The following ZNF737 variants were observed in gnomAD, a reference collection of about 807,000 sequenced individuals.
ZNF737 encodes zinc finger protein 102 (Y3).
A neutral mutation model predicts 11.7 loss-of-function variants in ZNF737; 13 were observed. That is an observed-to-expected ratio of 1.11 (90% CI 0.73 to 1.77). ZNF737 has a LOEUF of 1.77. Ranked by LOEUF, ZNF737 falls within the 40% of genes most tolerant of loss-of-function variation. ZNF737 has a pLI of 0.00. For synonymous variants in ZNF737, 217 were observed against 216.2 expected (o/e 1.00, Z -0.03); for missense variants, 636 against 638.0 (o/e 1.00, Z 0.03).
Position 20,565,769 on chromosome 19 carries a change from C to A in ZNF737, c.-129G>T, listed in dbSNP as rs1341431307. 2.0e-6 allele frequency: 3 copies of A among 1,483,194 alleles called. No homozygotes were observed. The African/African-American group carries it at 4.2e-5, about 21-fold the overall frequency. 91.9% of individuals were successfully genotyped at this position (1,483,194 alleles called of 1,614,324 possible). A position where few individuals can be genotyped will look rare whatever the true frequency, so the allele number is the denominator to read the frequency against. ...GCAGTGAAGACAAGACCTGGAGCTC[C>A]GGCTGCAGAGACAAAGGCCCCGCAA... On this transcript the variant is annotated 5_prime_UTR_variant, in exon 1 of 4. Coordinates refer to ENST00000427401, the MANE Select transcript of ZNF737 (RefSeq NM_001159293.2).
intron 1 of ZNF737, among the ~76,000 whole-genome samples, chr19:20,557,497 A>AAG: frequency 1.3e-5 from 2 of 152,070 alleles, no homozygotes; most frequent in East Asian, 3.9e-4. Context: ...AAAAAAAAAA[A>AAG]AAAAGAAAAC....
chr19:20,545,641 G>A lies in ZNF737; in HGVS notation c.562C>T (p.Leu188Phe). ...CGKAFNQSST[L>F]TTHKKIHTGE... ...GTATGAATTTTCTTATGTGTAGTAA[G>A]GGTTGAAGACTGGTTAAAAGCTTTG... is the stretch of plus-strand genomic sequence containing the variant. The change falls in exon 4 of 4, where the codon CTT (leucine) becomes TTT (phenylalanine). Residue 188 changes from leucine to phenylalanine, a missense_variant. By Grantham distance (22) the Leu-to-Phe change is conservative. Transcript: ENST00000427401. The A allele has an allele frequency of 6.2e-7, 1 of 1,613,996 alleles. No individual in the cohort carries two copies. The highest frequency in any genetic ancestry group is 8.5e-7 in the Non-Finnish European group (1 of 1,179,956).
downstream of ZNF737, chr19:20,535,876 C>A: frequency 4.5e-5 from 7 of 156,624 alleles, no homozygotes; most frequent in Non-Finnish European, 8.1e-5. Flanking sequence ...AAAAATTAAA[C>A]TCATAGAAGC....
At chr19:20,557,582 G>A (rs1351235117) in intron 1 of ZNF737, among the ~76,000 whole-genome samples, 3 of 149,328 alleles carry the variant, frequency 2.0e-5, no homozygotes, top group Non-Finnish European at 3.0e-5. Context: ...ATTCTAATAC[G>A]CAATTTAAAC....
In ZNF737 at chr19:20,542,444, C is replaced by T. The variant is rs949611648; in HGVS notation, c.*2148G>A. On this transcript the variant is annotated 3_prime_UTR_variant, in exon 4 of 4. Coordinates refer to ENST00000427401, the MANE Select transcript of ZNF737 (RefSeq NM_001159293.2). ...ACTGGGTTTCTCCATGTTGGTCAGG[C>T]TGGTCTCGAACTCCTGACCTCAGGT... 1.9e-6 allele frequency: 1 copy of T among 530,064 alleles called. No individual in the cohort carries two copies. The highest frequency in any genetic ancestry group is 2.1e-5 in the African/African-American group (1 of 48,258). 32.8% of individuals were successfully genotyped at this position (530,064 alleles called of 1,614,324 possible).
At position 20,539,546 on chromosome 19, in the gene ZNF737, C is replaced by G; in HGVS notation, c.*5046G>C. On this transcript the variant is annotated 3_prime_UTR_variant, in exon 4 of 4. Transcript: ENST00000427401. ...ATTTCAAATGTTTTCTCTAATGTTA[C>G]CTTGGTCATGTGAATCTAAAAGAAA... 1.0e-6 allele frequency: 1 copy of G among 984,382 alleles called. No individual in the cohort carries two copies. Among genetic ancestry groups the G allele is most frequent in the Non-Finnish European group, 1.2e-6 (1 of 829,042 alleles). 61.0% of individuals were successfully genotyped at this position (984,382 alleles called of 1,614,324 possible). A position where few individuals can be genotyped will look rare whatever the true frequency, so the allele number is the denominator to read the frequency against.
At chr19:20,565,060 G>A (rs1237755111) in intron 1 of ZNF737, among the ~76,000 whole-genome samples, 1 of 150,624 alleles carries the variant, frequency 6.6e-6, no homozygotes, top group African/African-American at 2.4e-5. Context: ...TCTGCCTCCC[G>A]AGAAGCTGTG....
At chr19:20,547,859 A>G (rs1555757401) in intron 3 of ZNF737, among the ~76,000 whole-genome samples, 1 of 152,116 alleles carries the variant, frequency 6.6e-6, no homozygotes, top group African/African-American at 2.4e-5. Context: ...TATCCAAAAT[A>G]TGTAACACAG....
rs540717721 is a variant in ZNF737, at chr19:20,539,373, C to T, written c.*5219G>A. ...AAATACTCCCTTTGAATACTTTAGCCAGGATTTCAGATTTCAAAAGGTCAA... is the reference window on the plus strand; with the variant it reads ...AAATACTCCCTTTGAATACTTTAGCTAGGATTTCAGATTTCAAAAGGTCAA... On this transcript the variant is annotated 3_prime_UTR_variant, in exon 4 of 4. Transcript: ENST00000427401. 1.1e-5 allele frequency: 11 copies of T among 985,260 alleles called. No individual in the cohort carries two copies. In the East Asian group the frequency reaches 9.1e-4, roughly 81 times the overall value. The allele number at this position is 985,260 out of a possible 1,614,324, so 61.0% of individuals were successfully genotyped here. A position where few individuals can be genotyped will look rare whatever the true frequency, so the allele number is the denominator to read the frequency against.
chr19:20,563,869 T>C (rs1457521419), intron 1 of ZNF737, among the ~76,000 whole-genome samples: 1 of 152,178 alleles, frequency 6.6e-6, no homozygotes, highest in Non-Finnish European at 1.5e-5. Context: ...TTATTATTTA[T>C]CTTAAAAATA....
At position 20,544,934 on chromosome 19, in the gene ZNF737, T is replaced by G. The variant is rs369269224; in HGVS notation, c.1269A>C (p.Gln423His). 5.5e-4 allele frequency: 895 copies of G among 1,612,714 alleles called. 2 individuals carry two copies. The highest frequency in any genetic ancestry group is 7.2e-4 in the Non-Finnish European group (850 of 1,179,554). Reference protein sequence around the residue: ...TTHKIIHTGQQPFKCEECGKA... With the variant: ...TTHKIIHTGQHPFKCEECGKA... ...TGCCACATTCTTCACACTTGAAGGGTTGCTGTCCAGTATGGATTATCTTAT... is the reference window on the plus strand; with the variant it reads ...TGCCACATTCTTCACACTTGAAGGGGTGCTGTCCAGTATGGATTATCTTAT... The change falls in exon 4 of 4, where the codon CAA (glutamine) becomes CAC (histidine). Residue 423 changes from glutamine to histidine, a missense_variant. By Grantham distance (24) the Gln-to-His change is conservative (BLOSUM62 0). Coordinates refer to ENST00000427401, the MANE Select transcript of ZNF737 (RefSeq NM_001159293.2).
At chr19:20,550,109 C>A (rs1968611520) in intron 3 of ZNF737, among the ~76,000 whole-genome samples, 1 of 152,010 alleles carries the variant, frequency 6.6e-6, no homozygotes, top group South Asian at 2.1e-4. Flanking sequence ...TTAAAAGAAA[C>A]TAGTTCCTTT....
At chr19:20,548,964 A>AAAAAAAAC (rs1296537258) in intron 3 of ZNF737, among the ~76,000 whole-genome samples, 3 of 109,946 alleles carry the variant, frequency 2.7e-5, no homozygotes, top group Non-Finnish European at 5.6e-5. Context: ...GAAAAACTGA[A>AAAAAAAAC]AAAAAAAAAA....
downstream of ZNF737, among the ~76,000 whole-genome samples, chr19:20,532,933 C>T (rs1967864707): frequency 6.7e-6 from 1 of 150,040 alleles, no homozygotes; most frequent in Admixed American, 6.6e-5. Context: ...AAATACCTGA[C>T]TTCTGCCTCA....
Position 20,538,885 on chromosome 19 carries a change from CAA to C in ZNF737, c.*5705_*5706del, listed in dbSNP as rs375826390. On this transcript the variant is annotated 3_prime_UTR_variant, in exon 4 of 4. Transcript: ENST00000427401. ...TTTATACATTTGCTTTTTTGAAAAA[CAA>C]ATCTTTTGTTAATTCACTCTAAATT... The C allele has an allele frequency of 1.1e-3, 1,074 of 985,286 alleles. 5 individuals are homozygous for C. In the African/African-American group the frequency reaches 0.018, roughly 16 times the overall value. The allele number at this position is 985,286 out of a possible 1,614,324, so 61.0% of individuals were successfully genotyped here. A position where few individuals can be genotyped will look rare whatever the true frequency, so the allele number is the denominator to read the frequency against.
intron 2 of ZNF737, among the ~76,000 whole-genome samples, chr19:20,553,419 C>T (rs112700274): frequency 0.12 from 18,101 of 151,834 alleles, 1,192 homozygotes; most frequent in Middle Eastern, 0.17. Context: ...CCACCATGCC[C>T]GGCTAATTTC....
At position 20,542,173 on chromosome 19, in the gene ZNF737, C is replaced by T. The variant is rs1418437560; in HGVS notation, c.*2419G>A. 4.1e-6 allele frequency: 4 copies of T among 984,774 alleles called. No individual in the cohort carries two copies. The highest frequency in any genetic ancestry group is 4.8e-6 in the Non-Finnish European group (4 of 829,508). The allele number at this position is 984,774 out of a possible 1,614,324, so 61.0% of individuals were successfully genotyped here. A position where few individuals can be genotyped will look rare whatever the true frequency, so the allele number is the denominator to read the frequency against. On this transcript the variant is annotated 3_prime_UTR_variant, in exon 4 of 4. Transcript: ENST00000427401. ...TGGCACAATAATGGTTCATTAAACG[C>T]ACGGTAGTCTTACCATGGTAAAAAT...
chr19:20,556,095 A>G (rs1017455265), intron 1 of ZNF737, among the ~76,000 whole-genome samples: 2 of 152,152 alleles, frequency 1.3e-5, no homozygotes, highest in Non-Finnish European at 2.9e-5. Flanking sequence ...GCCCTCCCCT[A>G]CCACAGACAC....
chr19:20,553,771 G>C lies in ZNF737; in HGVS notation c.68C>G (p.Thr23Ser), dbSNP rs1387497186. 1.5e-5 allele frequency: 25 copies of C among 1,613,884 alleles called. No individual in the cohort carries two copies. Among genetic ancestry groups the C allele is most frequent in the Non-Finnish European group, 2.1e-5 (25 of 1,179,956 alleles). ...FSLEEWHCLDTAQRNLYRNVM... is the reference protein window; with the variant it reads ...FSLEEWHCLDSAQRNLYRNVM... ...ATTCCTATATAAATTCCGCTGTGCA[G>C]TGTCCAGGCAATGCCACTCCTCCAG... is the stretch of plus-strand genomic sequence containing the variant. Residue 23 changes from threonine to serine, a missense_variant, in exon 2 of 4, where the codon ACT becomes AGT. Thr to Ser is a moderately conservative substitution (Grantham distance 58). Coordinates refer to ENST00000427401, the MANE Select transcript of ZNF737 (RefSeq NM_001159293.2).
Sources: gnomAD v4.1 joint callset for allele counts (sites outside exome capture counted in the v4.1 genomes callset) on GRCh38, gnomAD v4.1.1 for gene constraint, MANE v1.5 for transcripts, NCBI Gene and HGNC (gene_info 2026-07-23, HGNC 2026-07-21) for gene names.